Variants in CD300LD observed in about 807,000 individuals in gnomAD.
The protein encoded by CD300LD is CD300 molecule like family member d.
A neutral mutation model predicts 20.3 loss-of-function variants in CD300LD; 18 were observed. That is an observed-to-expected ratio of 0.89 (90% CI 0.61 to 1.32). The LOEUF (loss-of-function observed/expected upper bound fraction) is 1.32, where lower values mean the gene tolerates loss of function less well. Ranked by LOEUF, CD300LD falls within the 40% of genes most tolerant of loss-of-function variation. The probability of loss-of-function intolerance (pLI) is 0.00; values close to 1 mark genes in which losing one functional copy is unlikely to be tolerated. For missense variants in CD300LD, 195 were observed against 226.6 expected (o/e 0.86, Z 0.90); for synonymous variants, 104 against 90.1 (o/e 1.15, Z -0.87).
chr17:74,589,872 A>G (rs897530770), intron 1 of CD300LD, among the ~76,000 whole-genome samples: 5 of 152,222 alleles, frequency 3.3e-5, no homozygotes, highest in Admixed American at 6.5e-5. Context: ...TTCCTGTGGC[A>G]GGAGAGAGGT....
At chr17:74,585,295 G>C (rs141181703) in intron 2 of CD300LD, among the ~76,000 whole-genome samples, 1 of 152,196 alleles carries the variant, frequency 6.6e-6, no homozygotes, top group African/African-American at 2.4e-5. Context: ...TTGGAGTTTA[G>C]TCCGTGCTGT....
chr17:74,592,196 G>A lies in CD300LD; in HGVS notation c.7C>T (p.Leu3=). 6.2e-7 allele frequency: 1 copy of A among 1,614,186 alleles called. No individual in the cohort carries two copies. ...ATGAGAAGCAGCAGAGATGGGGACA[G>A]CCACATGGTCCTGTCTCCTCTCCTC... MW[L]SPSLLLLILP... Residue 3 remains leucine (L), a synonymous_variant, in exon 1 of 4, where the codon CTG becomes TTG. Transcript: ENST00000375352.
chr17:74,592,103 GTC>G, intron 1 of CD300LD, 58 bp downstream of exon 1: 1 of 1,614,018 alleles, frequency 6.2e-7, no homozygotes, highest in South Asian at 1.1e-5. Context: ...AGAACAGAGC[GTC>G]TCTGTCTCCA....
At chr17:74,580,185 C>T in intron 3 of CD300LD, 72 bp from the exon 4 acceptor site, 1 of 1,004,682 alleles carries the variant, frequency 1.0e-6, no homozygotes, top group Non-Finnish European at 1.5e-6. Flanking sequence ...AGCTCTATGC[C>T]CAGATCCTGG....
chr17:74,592,210 T>A lies in CD300LD; in HGVS notation c.-8A>T. 3.1e-6 allele frequency: 5 copies of A among 1,609,112 alleles called. No homozygotes were observed. The highest frequency in any genetic ancestry group is 4.3e-6 in the Non-Finnish European group (5 of 1,175,732). On this transcript the variant is annotated 5_prime_UTR_variant, in exon 1 of 4. Transcript: ENST00000375352. Reference sequence around the variant, plus strand: ...AGATGGGGACAGCCACATGGTCCTGTCTCCTCTCCTCTCCTTGGTGATCAC... The same window carrying A: ...AGATGGGGACAGCCACATGGTCCTGACTCCTCTCCTCTCCTTGGTGATCAC...
rs1339946705 is a variant in CD300LD, at chr17:74,588,788, T to C, written c.102A>G (p.Ser34=). The part of the protein sequence containing the change: ...PTTVNGSEQG[S]LTVQCAYGSG... ...AGCCATAAGCACACTGCACAGTCAA[T>C]GAGCCCTGCTCCGAGCCATTCACTG... is the stretch of plus-strand genomic sequence containing the variant. The change falls in exon 2 of 4, where the codon TCA becomes TCG. Residue 34 remains serine (S), a synonymous_variant. Transcript: ENST00000375352. 3.7e-6 allele frequency: 6 copies of C among 1,614,234 alleles called. No homozygotes were observed. The Admixed American group carries it at 6.7e-5, about 18-fold the overall frequency.
At chr17:74,582,789 G>T (rs1417767679) in intron 2 of CD300LD, among the ~76,000 whole-genome samples, 2 of 152,108 alleles carry the variant, frequency 1.3e-5, no homozygotes, top group African/African-American at 4.8e-5. Flanking sequence ...TCTTCCAGCA[G>T]CTTCCCAATC....
chr17:74,579,699 C>T lies in CD300LD; in HGVS notation c.*303G>A, dbSNP rs1699588. On this transcript the variant is annotated 3_prime_UTR_variant, in exon 4 of 4. Transcript: ENST00000375352. ...AAGAGTTCGAGACCAGCCTGGGCAA[C>T]GTGGTGGAAGCCCATCTCTACAAAA... 1,626 of 208,134 alleles carry T rather than the reference C, an allele frequency of 7.8e-3. 35 individuals carry two copies. The highest frequency in any genetic ancestry group is 0.036 in the African/African-American group (1,543 of 43,184). 12.9% of individuals were successfully genotyped at this position (208,134 alleles called of 1,614,324 possible).
intron 2 of CD300LD, among the ~76,000 whole-genome samples, chr17:74,586,499 G>GC (rs1369571741): frequency 2.6e-5 from 4 of 151,980 alleles, no homozygotes; most frequent in African/African-American, 9.7e-5. Flanking sequence ...CATCAGAATG[G>GC]CACCCCCCTG....
At chr17:74,585,816 A>G (rs2030144759) in intron 2 of CD300LD, among the ~76,000 whole-genome samples, 2 of 152,242 alleles carry the variant, frequency 1.3e-5, no homozygotes, top group Non-Finnish European at 2.9e-5. Flanking sequence ...TAAATTGGCA[A>G]GAACTGTGTG....
At chr17:74,580,893 C>A (rs1386853968) in intron 3 of CD300LD, among the ~76,000 whole-genome samples, 1 of 137,080 alleles carries the variant, frequency 7.3e-6, no homozygotes, top group Non-Finnish European at 1.5e-5. Context: ...TATTGAGGCC[C>A]CATCTCTAAA....
Position 74,583,862 on chromosome 17 carries a change from C to T in CD300LD, c.380-1551G>A, listed in dbSNP as rs147371629. On this transcript the variant is annotated intron_variant, in intron 2 of 3. Coordinates refer to ENST00000375352, the MANE Select transcript of CD300LD (RefSeq NM_001115152.2). ...CTGCCTCCCAGGTTCAAGCAATTCT[C>T]TGCCTCACCCTCCCAAGCATCTGGG... Among the ~76,000 whole-genome samples the T allele has an allele frequency of 7.8e-3, 1,164 of 149,580 alleles. 14 individuals carry two copies. Among genetic ancestry groups the T allele is most frequent in the African/African-American group, 0.027 (1,107 of 40,494 alleles).
In CD300LD at chr17:74,588,535, T is replaced by G; in HGVS notation, c.355A>C (p.Lys119Gln). The G allele has an allele frequency of 6.2e-7, 1 of 1,612,444 alleles. No homozygotes were observed. The highest frequency in any genetic ancestry group is 1.1e-5 in the South Asian group (1 of 90,784). The change falls in exon 2 of 4, where the codon AAA (lysine) becomes CAA (glutamine). Residue 119 changes from lysine (K) to glutamine (Q), a missense_variant. Lys to Gln is a moderately conservative substitution (Grantham distance 53, BLOSUM62 1). Coordinates refer to ENST00000375352, the MANE Select transcript of CD300LD (RefSeq NM_001115152.2). The part of the protein sequence containing the change: ...TERPGIDLGV[K>Q]VQVTINPGTQ... ...CCTGGGTTAATGGTCACTTGAACTT[T>G]GACCCCAAGATCAATTCCAGGTCTC...
At position 74,587,265 on chromosome 17, in the gene CD300LD, G is replaced by C. The variant is rs767945712; in HGVS notation, c.379+1246C>G. On this transcript the variant is annotated intron_variant, in intron 2 of 3. Coordinates refer to ENST00000375352, the MANE Select transcript of CD300LD (RefSeq NM_001115152.2). ...AAATTCTATTTCATTAAAAGATATA[G>C]AGCTATTCCAGTTATCTATTTCTTC... 6.1e-4 allele frequency among the ~76,000 whole-genome samples: 93 copies of C among 152,232 alleles called. 1 individual carries two copies. Among genetic ancestry groups the C allele is most frequent in the Non-Finnish European group, 2.1e-4 (14 of 68,042 alleles).
chr17:74,592,042 C>G (rs1343398202), intron 1 of CD300LD, 121 bp downstream of exon 1: 1 of 1,604,320 alleles, frequency 6.2e-7, no homozygotes. Flanking sequence ...TGAATATGGG[C>G]ATGGATGGAT....
chr17:74,580,100 T>C lies in CD300LD; in HGVS notation c.487A>G (p.Ser163Gly). The change falls in exon 4 of 4, where the codon AGC becomes GGC. Residue 163 changes from serine (S) to glycine (G), a missense_variant. Ser to Gly is a moderately conservative substitution (Grantham distance 56). Transcript: ENST00000375352. ...SSPLTRSPLK[S>G]THFLFLFLLE... ...AGGAACAGGAACAGGAAGTGGGTGC[T>C]CTTGAGCGGGGACCTGTGGGAACAC... 1.2e-6 allele frequency: 2 copies of C among 1,611,038 alleles called. No individual in the cohort carries two copies. Among genetic ancestry groups the C allele is most frequent in the South Asian group, 1.1e-5 (1 of 90,564 alleles).
intron 2 of CD300LD, among the ~76,000 whole-genome samples, chr17:74,586,793 C>T (rs2030171113): frequency 6.6e-6 from 1 of 152,102 alleles, no homozygotes; most frequent in African/African-American, 2.4e-5. Context: ...AGAGCATTAC[C>T]TTAGTCCCAG....
intron 3 of CD300LD, among the ~76,000 whole-genome samples, chr17:74,581,800 CAG>C (rs78770496): frequency 0.24 from 36,292 of 152,074 alleles, 5,680 homozygotes; most frequent in African/African-American, 0.45. Flanking sequence ...GTCTGTGCTG[CAG>C]AGTTTGCCTT....
intron 3 of CD300LD, 69 bp from the exon 4 acceptor site, chr17:74,580,182 T>G: frequency 1.9e-6 from 2 of 1,027,802 alleles, no homozygotes; most frequent in South Asian, 1.4e-5. Flanking sequence ...CTCAGCTCTA[T>G]GCCCAGATCC....
Sources: gnomAD v4.1 joint callset for allele counts (sites outside exome capture counted in the v4.1 genomes callset) on GRCh38, gnomAD v4.1.1 for gene constraint, MANE v1.5 for transcripts, NCBI Gene and HGNC (gene_info 2026-07-23, HGNC 2026-07-21) for gene names.